ATG10: variants seen among roughly 807,000 people sequenced by gnomAD.
The protein encoded by ATG10 is ubiquitin-like-conjugating enzyme ATG10.
A neutral mutation model predicts 32.1 loss-of-function variants in ATG10; 30 were observed. The ratio of observed to expected loss-of-function variants is 0.94; its 90% confidence interval spans 0.70 to 1.27. The LOEUF is 1.27. Ranked by LOEUF, ATG10 falls within the 50% of genes most tolerant of loss-of-function variation. The probability of loss-of-function intolerance (pLI) is 0.00; values close to 1 mark genes in which losing one functional copy is unlikely to be tolerated. For missense variants in ATG10, 233 were observed against 262.3 expected, an observed-to-expected ratio of 0.89 and a Z score of 0.77; for synonymous variants, 87 against 91.5, an observed-to-expected ratio of 0.95 and a Z score of 0.28.
chr5:82,078,366 G>A (rs1764347957), intron 3 of ATG10: 1 of 152,210 alleles, frequency 6.6e-6, no homozygotes, highest in African/African-American at 2.4e-5. Context: ...TATGACTGCT[G>A]TAACACTCCT....
chr5:81,986,148 T>G (rs1761263328), intron 1 of ATG10, among the ~76,000 whole-genome samples: 1 of 152,086 alleles, frequency 6.6e-6, no homozygotes, highest in Non-Finnish European at 1.5e-5. Context: ...GACCTCGTAA[T>G]CCGCCCGCCT....
At chr5:82,081,052 T>C (rs1161551140) in intron 3 of ATG10, among the ~76,000 whole-genome samples, 3 of 152,232 alleles carry the variant, frequency 2.0e-5, no homozygotes, top group Non-Finnish European at 4.4e-5. Context: ...CAGTGGTTTG[T>C]AGTTCTCCTT....
chr5:82,139,875 G>C (rs1371805161), intron 3 of ATG10, among the ~76,000 whole-genome samples: 2 of 132,726 alleles, frequency 1.5e-5, no homozygotes, highest in Non-Finnish European at 3.3e-5. Flanking sequence ...CAGCCGCCCC[G>C]TCCGGGAGGG....
chr5:82,110,201 G>A (rs1482612482), intron 3 of ATG10, among the ~76,000 whole-genome samples: 2 of 152,024 alleles, frequency 1.3e-5, no homozygotes, highest in Non-Finnish European at 2.9e-5. Flanking sequence ...GTCTATCATT[G>A]TTGGACATTT....
chr5:82,228,882 T>C (rs1035559742), intron 5 of ATG10, among the ~76,000 whole-genome samples: 10 of 152,208 alleles, frequency 6.6e-5, no homozygotes, highest in African/African-American at 2.4e-4. Context: ...ATCTTTATAA[T>C]TTATATTTTC....
intron 3 of ATG10, among the ~76,000 whole-genome samples, chr5:82,138,249 G>C (rs1407950516): frequency 6.6e-6 from 1 of 152,108 alleles, no homozygotes; most frequent in East Asian, 1.9e-4. Context: ...CTGTCTCACT[G>C]GTGTTCCAGG....
intron 2 of ATG10, among the ~76,000 whole-genome samples, chr5:82,034,337 T>A (rs1167766110): frequency 6.6e-6 from 1 of 152,156 alleles, no homozygotes; most frequent in South Asian, 2.1e-4. Flanking sequence ...CCATGTTTGA[T>A]CCATTAGCAA....
chr5:81,993,365 T>C (rs1277472213), intron 2 of ATG10, among the ~76,000 whole-genome samples: 924 of 32,474 alleles, frequency 0.028, 35 homozygotes, highest in African/African-American at 0.098. Flanking sequence ...CTTTCCTTCT[T>C]TTCTTTTCTT....
intron 2 of ATG10, among the ~76,000 whole-genome samples, chr5:82,029,915 G>A (rs1193927114): frequency 1.3e-5 from 2 of 152,050 alleles, no homozygotes; most frequent in East Asian, 1.9e-4. Flanking sequence ...AATTCACATT[G>A]GTTAGTAATA....
At chr5:82,142,811 G>C (rs1767206496) in intron 3 of ATG10, among the ~76,000 whole-genome samples, 1 of 152,156 alleles carries the variant, frequency 6.6e-6, no homozygotes, top group Admixed American at 6.5e-5. Flanking sequence ...GCAATACTTA[G>C]GAGGTAGAAT....
intron 2 of ATG10, among the ~76,000 whole-genome samples, chr5:82,058,048 C>T (rs1398063054): frequency 6.6e-6 from 1 of 152,182 alleles, no homozygotes; most frequent in East Asian, 1.9e-4. Flanking sequence ...AAGTACCTTT[C>T]TGGGACATTT....
chr5:82,239,112 A>G (rs904840144), intron 5 of ATG10, among the ~76,000 whole-genome samples: 4 of 152,188 alleles, frequency 2.6e-5, no homozygotes, highest in African/African-American at 9.7e-5. Flanking sequence ...TATTTGAGAA[A>G]ACAGATACTG....
intron 3 of ATG10, among the ~76,000 whole-genome samples, chr5:82,149,944 G>A (rs1208526098): frequency 6.6e-6 from 1 of 152,036 alleles, no homozygotes; most frequent in African/African-American, 2.4e-5. Flanking sequence ...ATGATTTTAT[G>A]TTCACTTTCT....
At chr5:82,210,330 C>T (rs1745446982) in intron 5 of ATG10, among the ~76,000 whole-genome samples, 1 of 152,152 alleles carries the variant, frequency 6.6e-6, no homozygotes, top group Non-Finnish European at 1.5e-5. Flanking sequence ...GGGGCACTAG[C>T]AATTTCTGAT....
At chr5:82,152,245 A>G (rs1040036640) in intron 3 of ATG10, among the ~76,000 whole-genome samples, 1 of 152,218 alleles carries the variant, frequency 6.6e-6, no homozygotes, top group Non-Finnish European at 1.5e-5. Flanking sequence ...AAAGGAAATT[A>G]CCTCTGGCTC....
intron 5 of ATG10, among the ~76,000 whole-genome samples, chr5:82,234,304 T>C (rs1378138667): frequency 1.3e-5 from 2 of 152,154 alleles, no homozygotes; most frequent in Non-Finnish European, 2.9e-5. Context: ...TAAAGTAGCA[T>C]ATTGGGGGAG....
At chr5:81,990,589 C>G (rs1032118487) in intron 2 of ATG10, among the ~76,000 whole-genome samples, 22 of 152,158 alleles carry the variant, frequency 1.4e-4, no homozygotes, top group Non-Finnish European at 2.9e-4. Context: ...TATTATTGAC[C>G]TTTCTCTAAA....
intron 4 of ATG10, among the ~76,000 whole-genome samples, chr5:82,169,475 T>C (rs945694582): frequency 7.2e-5 from 11 of 152,176 alleles, no homozygotes; most frequent in Admixed American, 4.6e-4. Context: ...GTAAGAGTTA[T>C]GGTTAAGGCA....
At chr5:82,014,522 G>T (rs1374961468) in intron 2 of ATG10, among the ~76,000 whole-genome samples, 3 of 152,148 alleles carry the variant, frequency 2.0e-5, no homozygotes, top group Non-Finnish European at 4.4e-5. Context: ...CCTGTATTGG[G>T]TGCCTATATA....
Sources: gnomAD v4.1 joint callset for allele counts (sites outside exome capture counted in the v4.1 genomes callset) on GRCh38, gnomAD v4.1.1 for gene constraint, MANE v1.5 for transcripts, NCBI Gene and HGNC (gene_info 2026-07-23, HGNC 2026-07-21) for gene names.